The following KIAA1549L variants were observed in gnomAD, a reference collection of about 807,000 sequenced individuals.
KIAA1549L encodes UPF0606 protein KIAA1549L.
A neutral mutation model predicts 160.7 loss-of-function variants in KIAA1549L; 88 were observed. The observed-to-expected ratio is 0.55, with a 90% CI of 0.46 to 0.65. KIAA1549L has a LOEUF of 0.65. Among genes scored for constraint, KIAA1549L ranks in the 30% least tolerant of loss-of-function variants. KIAA1549L has a pLI of 0.00. For missense variants in KIAA1549L, 2,258 were observed against 2,437.5 expected (o/e 0.93, Z 1.55); for synonymous variants, 950 against 976.7 (o/e 0.97, Z 0.51).
intron 1 of KIAA1549L, among the ~76,000 whole-genome samples, chr11:33,431,062 C>G (rs1022647007): frequency 6.6e-6 from 1 of 151,970 alleles, no homozygotes; most frequent in East Asian, 1.9e-4. Context: ...AGTGAAGCTG[C>G]AGACCTTTGC....
chr11:33,488,375 T>C (rs1285543048), intron 1 of KIAA1549L, among the ~76,000 whole-genome samples: 1 of 152,210 alleles, frequency 6.6e-6, no homozygotes, highest in Non-Finnish European at 1.5e-5. Context: ...AAGTCTAATA[T>C]TTTAGTTGTC....
intron 8 of KIAA1549L, among the ~76,000 whole-genome samples, chr11:33,564,934 G>C (rs1021648019): frequency 1.3e-5 from 2 of 152,222 alleles, no homozygotes; most frequent in Non-Finnish European, 2.9e-5. Context: ...GTATGATTGT[G>C]AATAAAGAAG....
At chr11:33,472,007 C>G (rs1852187986) in intron 1 of KIAA1549L, among the ~76,000 whole-genome samples, 1 of 152,198 alleles carries the variant, frequency 6.6e-6, no homozygotes, top group Non-Finnish European at 1.5e-5. Context: ...TCCTGTTGCT[C>G]TGTTGTTCTG....
At chr11:33,541,669 ACT>A (rs1226216684) in intron 1 of KIAA1549L, 131 bp from the exon 2 acceptor site, 2 of 154,430 alleles carry the variant, frequency 1.3e-5, no homozygotes, top group African/African-American at 4.8e-5. Flanking sequence ...TTGTTGTTTG[ACT>A]CTGTTTCCTG....
Position 33,670,540 on chromosome 11 carries a change from A to G in KIAA1549L, c.*2386A>G, listed in dbSNP as rs11823073. 1.2e-4 allele frequency: 18 copies of G among 152,340 alleles called. No individual in the cohort carries two copies. The highest frequency in any genetic ancestry group is 4.3e-4 in the African/African-American group (18 of 41,576). 9.4% of individuals were successfully genotyped at this position (152,340 alleles called of 1,614,324 possible). On this transcript the variant is annotated 3_prime_UTR_variant, in exon 21 of 21. Coordinates refer to ENST00000658780, the MANE Select transcript of KIAA1549L (RefSeq NM_012194.3). The stretch of plus-strand genomic sequence containing the variant: ...TTCAAGAATAGTATTAATAGATGAG[A>G]GGAAAACCTTAAGTTGGAAAGAAAT...
intron 1 of KIAA1549L, among the ~76,000 whole-genome samples, chr11:33,445,120 T>C (rs534987718): frequency 6.6e-6 from 1 of 152,258 alleles, no homozygotes; most frequent in South Asian, 2.1e-4. Flanking sequence ...CCAGTGGCTC[T>C]CAGTTGGATG....
At chr11:33,427,309 C>G (rs1400117091) in intron 1 of KIAA1549L, among the ~76,000 whole-genome samples, 8 of 152,170 alleles carry the variant, frequency 5.3e-5, no homozygotes, top group Non-Finnish European at 2.9e-5. Flanking sequence ...CTGAATCCTG[C>G]CTTCTCTCCC....
At chr11:33,585,500 A>G (rs1251785614) in intron 11 of KIAA1549L, among the ~76,000 whole-genome samples, 1 of 152,184 alleles carries the variant, frequency 6.6e-6, no homozygotes, top group Non-Finnish European at 1.5e-5. Flanking sequence ...CCTGGGCAAC[A>G]AGAGCAAAAC....
rs139060935 is a variant in KIAA1549L at position 33,437,698 on chromosome 11, G to A, written c.238+60809G>A. On this transcript the variant is annotated intron_variant, in intron 1 of 20. Transcript: ENST00000658780. ...CTATTGGTGGGGCCTCCCTTTACTAGCCTGCACTGCATGTTCTAAAGACCT... is the reference window on the plus strand; with the variant it reads ...CTATTGGTGGGGCCTCCCTTTACTAACCTGCACTGCATGTTCTAAAGACCT... 2.2e-3 allele frequency among the ~76,000 whole-genome samples: 342 copies of A among 152,264 alleles called. 2 individuals are homozygous for A. Among genetic ancestry groups the A allele is most frequent in the Non-Finnish European group, 4.2e-3 (288 of 68,016 alleles).
intron 1 of KIAA1549L, among the ~76,000 whole-genome samples, chr11:33,485,498 A>G (rs1016391927): frequency 8.5e-5 from 13 of 152,142 alleles, no homozygotes; most frequent in African/African-American, 2.9e-4. Flanking sequence ...TTAATTGGCA[A>G]AGGTCAATTA....
At chr11:33,447,014 G>A (rs958720543) in intron 1 of KIAA1549L, among the ~76,000 whole-genome samples, 83 of 152,298 alleles carry the variant, frequency 5.4e-4, no homozygotes, top group African/African-American at 1.9e-3. Flanking sequence ...CACAGTTGAG[G>A]AAGAAGACAT....
At chr11:33,550,820 C>A (rs919091096) in intron 4 of KIAA1549L, among the ~76,000 whole-genome samples, 2 of 152,110 alleles carry the variant, frequency 1.3e-5, no homozygotes, top group African/African-American at 4.8e-5. Context: ...TAATTCTATA[C>A]CATGAAGGTT....
Position 33,543,116 on chromosome 11 carries a change from C to G in KIAA1549L, c.1553C>G (p.Ser518Cys). ...CCCACAGAGAATCATGCCTCCCCAT[C>G]TCCTGTGCCAGAAATGCCCACTCTT... is the stretch of plus-strand genomic sequence containing the variant. ...LQPTENHASP[S>C]PVPEMPTLPA... The change falls in exon 2 of 21, where the codon TCT becomes TGT. Residue 518 changes from serine to cysteine, a missense_variant. Coordinates refer to ENST00000658780, the MANE Select transcript of KIAA1549L (RefSeq NM_012194.3). 2.5e-6 allele frequency: 4 copies of G among 1,613,918 alleles called. No homozygotes were observed. The highest frequency in any genetic ancestry group is 3.4e-6 in the Non-Finnish European group (4 of 1,179,898).
In KIAA1549L at chr11:33,669,067, A is replaced by G. The variant is rs547276053; in HGVS notation, c.*913A>G. On this transcript the variant is annotated 3_prime_UTR_variant, in exon 21 of 21. Coordinates refer to ENST00000658780, the MANE Select transcript of KIAA1549L (RefSeq NM_012194.3). ...CAAGAAAATCTCTGTCTCTTCAACA[A>G]TGATGTCCAGTGTGTGCTGCTGAGT... 8 of 152,322 alleles carry G rather than the reference A, an allele frequency of 5.3e-5. 1 individual carries two copies. The South Asian group carries it at 6.2e-4, about 12-fold the overall frequency. 9.4% of individuals were successfully genotyped at this position (152,322 alleles called of 1,614,324 possible). A position where few individuals can be genotyped will look rare whatever the true frequency, so the allele number is the denominator to read the frequency against.
chr11:33,536,000 A>G (rs1186020766), intron 1 of KIAA1549L, among the ~76,000 whole-genome samples: 6 of 152,238 alleles, frequency 3.9e-5, no homozygotes, highest in Non-Finnish European at 7.3e-5. Context: ...GTTTTACCTA[A>G]TTAGCGTAGA....
At chr11:33,498,761 G>T (rs1410351759) in intron 1 of KIAA1549L, among the ~76,000 whole-genome samples, 1 of 152,224 alleles carries the variant, frequency 6.6e-6, no homozygotes, top group African/African-American at 2.4e-5. Flanking sequence ...ATACAGGGAA[G>T]GGAGGAATTG....
intron 1 of KIAA1549L, among the ~76,000 whole-genome samples, chr11:33,519,259 C>A (rs1853425463): frequency 6.6e-6 from 1 of 152,042 alleles, no homozygotes; most frequent in Non-Finnish European, 1.5e-5. Flanking sequence ...ATATTTCAAT[C>A]CATTTTTTTT....
intron 1 of KIAA1549L, among the ~76,000 whole-genome samples, chr11:33,407,080 C>CTTTTTTTTTTTT (rs1491483483): frequency 1.3e-5 from 1 of 79,584 alleles, no homozygotes; most frequent in Admixed American, 1.4e-4. Flanking sequence ...TTTCTTTTTT[C>CTTTTTTTTTTTT]ATTTTTTTTT....
At chr11:33,658,640 A>T in intron 18 of KIAA1549L, 110 bp from the exon 19 acceptor site, 1 of 1,085,158 alleles carries the variant, frequency 9.2e-7, no homozygotes, top group Non-Finnish European at 1.3e-6. Context: ...GGACCTCATG[A>T]GGCTTGGAGG....
Sources: gnomAD v4.1 joint callset for allele counts (sites outside exome capture counted in the v4.1 genomes callset) on GRCh38, gnomAD v4.1.1 for gene constraint, MANE v1.5 for transcripts, NCBI Gene and HGNC (gene_info 2026-07-23, HGNC 2026-07-21) for gene names.